ZRANB3: variants seen among roughly 807,000 people sequenced by gnomAD.
The protein encoded by ZRANB3 is DNA annealing helicase and endonuclease ZRANB3.
In ZRANB3, 125 loss-of-function variants were observed where a neutral mutation model predicts 133.8. The observed-to-expected ratio is 0.93, with a 90% CI of 0.81 to 1.08. The LOEUF (loss-of-function observed/expected upper bound fraction) is 1.08. ZRANB3 is among the 50% of genes least tolerant of loss of function. The pLI, the probability that ZRANB3 is intolerant of heterozygous loss-of-function variation, is 0.00. For missense variants in ZRANB3, 1,229 were observed against 1,275.5 expected (o/e 0.96, Z 0.56); for synonymous variants, 387 against 432.7 (o/e 0.89, Z 1.31).
At chr2:135,510,626 C>T in intron 1 of ZRANB3, 1 of 779,994 alleles carries the variant, frequency 1.3e-6, no homozygotes, top group Non-Finnish European at 2.3e-6. Context: ...CCTCTCATTC[C>T]ACCACCCAGC....
At chr2:135,403,689 G>A (rs1414571888) in intron 2 of ZRANB3, among the ~76,000 whole-genome samples, 1 of 152,170 alleles carries the variant, frequency 6.6e-6, no homozygotes, top group East Asian at 1.9e-4. Flanking sequence ...TAGCCTAACT[G>A]GGAGGCACCC....
chr2:135,425,216 A>G (rs1380799659), intron 2 of ZRANB3, among the ~76,000 whole-genome samples: 1 of 152,240 alleles, frequency 6.6e-6, no homozygotes, highest in African/African-American at 2.4e-5. Flanking sequence ...AGAGTGGTGA[A>G]TAAAATCTCC....
rs936975800 is a variant in ZRANB3, at chr2:135,202,109, G to A, written c.3141+723C>T. 4.6e-5 allele frequency among the ~76,000 whole-genome samples: 7 copies of A among 152,158 alleles called. No individual in the cohort carries two copies. The South Asian group carries it at 1.2e-3, about 27-fold the overall frequency. ...TATGGGAATGGTTAAGTAAACTACA[G>A]TAGAGATCTGCTCAATAGAATACTG... On this transcript the variant is annotated intron_variant, in intron 20 of 20. Transcript: ENST00000264159.
At chr2:135,278,160 A>G (rs1209850107) in intron 8 of ZRANB3, among the ~76,000 whole-genome samples, 1 of 152,190 alleles carries the variant, frequency 6.6e-6, no homozygotes, top group African/African-American at 2.4e-5. Context: ...AAATAGACCC[A>G]GAACGAGGCT....
chr2:135,479,630 C>T (rs574247165), intron 2 of ZRANB3, among the ~76,000 whole-genome samples: 117 of 152,024 alleles, frequency 7.7e-4, no homozygotes, highest in African/African-American at 2.6e-3. Flanking sequence ...TGTGCCACTG[C>T]ACTCCAGCCT....
chr2:135,417,796 T>C (rs1355096994), intron 2 of ZRANB3, among the ~76,000 whole-genome samples: 2 of 152,050 alleles, frequency 1.3e-5, no homozygotes, highest in Non-Finnish European at 2.9e-5. Flanking sequence ...AAGTGATGAG[T>C]TCATGTCCTT....
chr2:135,394,908 GGACTTTGA>G (rs1192958691), intron 2 of ZRANB3, among the ~76,000 whole-genome samples: 3 of 143,734 alleles, frequency 2.1e-5, no homozygotes, highest in Admixed American at 7.2e-5. Flanking sequence ...CTTGAACGCA[GGACTTTGA>G]GATCAGCCTG....
At chr2:135,340,756 T>G (rs1208925267) in intron 6 of ZRANB3, among the ~76,000 whole-genome samples, 1 of 151,576 alleles carries the variant, frequency 6.6e-6, no homozygotes, top group African/African-American at 2.4e-5. Context: ...CTCGGGAGGC[T>G]GAGGCAGGAG....
At chr2:135,208,747 GA>G in intron 18 of ZRANB3, 120 bp downstream of exon 18, 1 of 788,428 alleles carries the variant, frequency 1.3e-6, no homozygotes, top group Non-Finnish European at 2.0e-6. Context: ...ACTATCTTGT[GA>G]AAGTTCTTTG....
intron 1 of ZRANB3, among the ~76,000 whole-genome samples, chr2:135,509,845 C>G (rs10185812): frequency 0.032 from 4,825 of 152,076 alleles, 242 homozygotes; most frequent in African/African-American, 0.11. Flanking sequence ...AACATACCAG[C>G]AAGAATCAAA....
At chr2:135,346,362 A>G (rs1257149526) in intron 5 of ZRANB3, among the ~76,000 whole-genome samples, 1 of 152,184 alleles carries the variant, frequency 6.6e-6, no homozygotes, top group African/African-American at 2.4e-5. Context: ...GGCCTCCCAA[A>G]GTGCTGGAAT....
At chr2:135,324,461 T>A (rs1306251050) in intron 6 of ZRANB3, among the ~76,000 whole-genome samples, 1 of 152,202 alleles carries the variant, frequency 6.6e-6, no homozygotes, top group African/African-American at 2.4e-5. Flanking sequence ...TGTGCCACAT[T>A]TTCTTAATCC....
chr2:135,333,365 A>AG (rs2104849948), intron 6 of ZRANB3, among the ~76,000 whole-genome samples: 1 of 152,318 alleles, frequency 6.6e-6, no homozygotes, highest in East Asian at 1.9e-4. Flanking sequence ...AAAGACAAAA[A>AG]GGGAAAGTAC....
chr2:135,201,506 A>C (rs1357598578), intron 20 of ZRANB3, among the ~76,000 whole-genome samples: 1 of 151,930 alleles, frequency 6.6e-6, no homozygotes, highest in African/African-American at 2.4e-5. Context: ...TACAAAAATC[A>C]GCCAGGTGTG....
chr2:135,457,854 C>G (rs1345633983), intron 2 of ZRANB3, among the ~76,000 whole-genome samples: 1 of 151,920 alleles, frequency 6.6e-6, no homozygotes, highest in Non-Finnish European at 1.5e-5. Flanking sequence ...AATAATTGTT[C>G]CTAGTCTGTG....
chr2:135,315,134 T>C (rs1683191311), intron 7 of ZRANB3, among the ~76,000 whole-genome samples: 1 of 152,218 alleles, frequency 6.6e-6, no homozygotes, highest in Non-Finnish European at 1.5e-5. Context: ...AAATACTTTT[T>C]TTTTAAACCA....
chr2:135,378,485 C>T (rs970427089), intron 3 of ZRANB3, among the ~76,000 whole-genome samples: 23 of 139,932 alleles, frequency 1.6e-4, no homozygotes, highest in Admixed American at 1.1e-3. Flanking sequence ...GAGTGAGACT[C>T]CATCTCAAAA....
chr2:135,441,061 C>T (rs1010589098), intron 2 of ZRANB3, among the ~76,000 whole-genome samples: 5 of 151,814 alleles, frequency 3.3e-5, no homozygotes, highest in African/African-American at 7.3e-5. Flanking sequence ...AAAAAAAATA[C>T]GGAAAAATCA....
chr2:135,522,606 C>T (rs1693995868), intron 1 of ZRANB3, among the ~76,000 whole-genome samples: 1 of 152,108 alleles, frequency 6.6e-6, no homozygotes, highest in South Asian at 2.1e-4. Flanking sequence ...TCAAGACCAG[C>T]CTGGCCAACA....
Sources: allele counts gnomAD v4.1 joint callset (sites outside exome capture counted in the v4.1 genomes callset), GRCh38; gene constraint gnomAD v4.1.1; transcripts MANE v1.5; gene names NCBI Gene and HGNC (gene_info 2026-07-23, HGNC 2026-07-21).